Variants in CDH9 observed in about 807,000 individuals in gnomAD.
CDH9 encodes cadherin 9.
In CDH9, 28 loss-of-function variants were observed where a neutral mutation model predicts 70.9. The observed-to-expected ratio is 0.40, with a 90% CI of 0.29 to 0.54. CDH9 has a LOEUF of 0.54. CDH9 is among the 20% of genes least tolerant of loss of function. CDH9 has a pLI of 0.59. For synonymous variants in CDH9, 409 were observed against 343.1 expected (o/e 1.19, Z -2.12); for missense variants, 874 against 984.4 (o/e 0.89, Z 1.50).
Position 26,881,296 on chromosome 5 carries a change from G to A in CDH9, c.2210C>T (p.Thr737Met), listed in dbSNP as rs1346865409. The A allele has an allele frequency of 1.2e-6, 2 of 1,612,804 alleles. No homozygotes were observed. The highest frequency in any genetic ancestry group is 1.7e-6 in the Non-Finnish European group (2 of 1,178,974). The change falls in exon 12 of 12, where the codon ACG becomes ATG. Residue 737 changes from threonine (T) to methionine (M), a missense_variant. Physicochemically the swap from Thr to Met is moderately conservative, Grantham distance 81. Coordinates refer to ENST00000231021, the MANE Select transcript of CDH9 (RefSeq NM_016279.4). The stretch of plus-strand genomic sequence containing the variant: ...GGAATCATTCCCTTCATAGGCATAC[G>A]TTGCCAGCGAATCATATGGAGGTGC... ...PSAPPYDSLA[T>M]YAYEGNDSIA... is the part of the protein sequence containing the mutation.
intron 1 of CDH9, among the ~76,000 whole-genome samples, chr5:27,020,480 G>T (rs984795615): frequency 3.3e-5 from 5 of 151,486 alleles, no homozygotes; most frequent in African/African-American, 1.2e-4. Flanking sequence ...CAAATGTGAT[G>T]ATAATTTGCT....
chr5:27,016,398 A>G (rs976838008), intron 1 of CDH9, among the ~76,000 whole-genome samples: 1 of 151,834 alleles, frequency 6.6e-6, no homozygotes, highest in African/African-American at 2.4e-5. Flanking sequence ...GATTTATAAA[A>G]AAGTTTAATT....
chr5:26,916,001 A>C, intron 2 of CDH9, 77 bp from the exon 3 acceptor site: 1 of 902,212 alleles, frequency 1.1e-6, no homozygotes, highest in South Asian at 1.7e-5. Flanking sequence ...GGCGCTATCA[A>C]TTCGTCTCCA....
intron 2 of CDH9, among the ~76,000 whole-genome samples, chr5:26,981,560 C>G (rs2052860): frequency 0.47 from 72,002 of 151,762 alleles, 17,884 homozygotes; most frequent in African/African-American, 0.52. Context: ...AAAATATCAG[C>G]TAAAATATTT....
chr5:26,988,303 T>C lies in CDH9; in HGVS notation c.31A>G (p.Ile11Val). Reference protein sequence around the residue: MRTYHYIPLFIWTYMFHTVDT... With the variant: MRTYHYIPLFVWTYMFHTVDT... ...ACTGTATGGAACATATAGGTCCAGA[T>C]GAATAATGGTATATAATGGTAAGTC... is the stretch of plus-strand genomic sequence containing the variant. The change falls in exon 2 of 12, where the codon ATC becomes GTC. Residue 11 changes from isoleucine (I) to valine (V), a missense_variant. Physicochemically the swap from Ile to Val is conservative, Grantham distance 29. Transcript: ENST00000231021. 2 of 1,613,250 alleles carry C rather than the reference T, an allele frequency of 1.2e-6. No individual in the cohort carries two copies. Among genetic ancestry groups the C allele is most frequent in the Non-Finnish European group, 8.5e-7 (1 of 1,179,394 alleles).
intron 1 of CDH9, among the ~76,000 whole-genome samples, chr5:26,991,807 T>C (rs1159916594): frequency 1.3e-5 from 2 of 152,214 alleles, no homozygotes; most frequent in East Asian, 3.9e-4. Flanking sequence ...GTGTCATTTA[T>C]ATCAGGAGAA....
chr5:26,953,754 G>A (rs564192048), intron 2 of CDH9, among the ~76,000 whole-genome samples: 1 of 152,078 alleles, frequency 6.6e-6, no homozygotes, highest in African/African-American at 2.4e-5. Flanking sequence ...ACATTTAAGT[G>A]CAAGCCACCA....
chr5:27,035,978 C>T (rs747159397), intron 1 of CDH9, among the ~76,000 whole-genome samples: 2 of 151,772 alleles, frequency 1.3e-5, no homozygotes, highest in Non-Finnish European at 2.9e-5. Context: ...GACACATTCA[C>T]ACATATTTTT....
At chr5:26,902,454 T>A in intron 7 of CDH9, 22 bp downstream of exon 7, 1 of 1,534,620 alleles carries the variant, frequency 6.5e-7, no homozygotes, top group Non-Finnish European at 9.0e-7. Context: ...AAAAACATAA[T>A]AAATGTTTTC....
At chr5:27,030,185 C>T (rs1239327502) in intron 1 of CDH9, among the ~76,000 whole-genome samples, 1 of 151,904 alleles carries the variant, frequency 6.6e-6, no homozygotes, top group Non-Finnish European at 1.5e-5. Context: ...ATCTCTTCTT[C>T]GTGAATTGTG....
intron 2 of CDH9, among the ~76,000 whole-genome samples, chr5:26,964,009 T>A (rs1335637067): frequency 2.6e-5 from 4 of 152,230 alleles, no homozygotes; most frequent in African/African-American, 9.6e-5. Context: ...ATTAACCTTT[T>A]CCATAAAATA....
chr5:26,899,641 C>T (rs1450367431), intron 7 of CDH9, among the ~76,000 whole-genome samples: 2 of 151,580 alleles, frequency 1.3e-5, no homozygotes, highest in African/African-American at 4.8e-5. Flanking sequence ...ACACTGGGGC[C>T]TGTAGAGGGT....
At chr5:26,882,579 A>G (rs1395927936) in intron 11 of CDH9, among the ~76,000 whole-genome samples, 1 of 152,106 alleles carries the variant, frequency 6.6e-6, no homozygotes, top group African/African-American at 2.4e-5. Flanking sequence ...ACGATTTTAA[A>G]AATATAAATT....
intron 1 of CDH9, among the ~76,000 whole-genome samples, chr5:27,008,536 T>C (rs1043656196): frequency 2.6e-5 from 4 of 151,808 alleles, no homozygotes; most frequent in Non-Finnish European, 5.9e-5. Flanking sequence ...AATAAGTACA[T>C]CTATAATATA....
intron 11 of CDH9, among the ~76,000 whole-genome samples, chr5:26,883,538 T>G (rs572986586): frequency 1.3e-5 from 2 of 152,050 alleles, no homozygotes; most frequent in African/African-American, 2.4e-5. Flanking sequence ...ATTATTGGCA[T>G]AAACTATGGT....
rs116263624 is a variant in CDH9, at chr5:26,975,872, A to G, written c.228+12234T>C. ...TATAGATAGAGCTCAAACAGAGAGA[A>G]GCAATATTATTGTGCTGAGGAGACC... On this transcript the variant is annotated intron_variant, in intron 2 of 11. Coordinates refer to ENST00000231021, the MANE Select transcript of CDH9 (RefSeq NM_016279.4). Among the ~76,000 whole-genome samples the G allele has an allele frequency of 3.5e-3, 532 of 152,312 alleles. 5 individuals carry two copies. Among genetic ancestry groups the G allele is most frequent in the African/African-American group, 0.012 (514 of 41,570 alleles).
At chr5:26,881,827 T>G (rs1328486046) in intron 11 of CDH9, among the ~76,000 whole-genome samples, 1 of 152,096 alleles carries the variant, frequency 6.6e-6, no homozygotes, top group East Asian at 1.9e-4. Flanking sequence ...ACCATGCCTT[T>G]AATTTACTGT....
At chr5:26,974,305 G>A (rs1254541631) in intron 2 of CDH9, among the ~76,000 whole-genome samples, 2 of 151,918 alleles carry the variant, frequency 1.3e-5, no homozygotes, top group East Asian at 1.9e-4. Context: ...TAATGAGCTT[G>A]TACTTATGAA....
chr5:26,886,391 T>C (rs188896212), intron 9 of CDH9, among the ~76,000 whole-genome samples: 2 of 152,080 alleles, frequency 1.3e-5, no homozygotes, highest in Admixed American at 1.3e-4. Flanking sequence ...TATCCTCTTT[T>C]GATATTGTTG....
Sources: gnomAD v4.1 joint callset for allele counts (sites outside exome capture counted in the v4.1 genomes callset) on GRCh38, gnomAD v4.1.1 for gene constraint, MANE v1.5 for transcripts, NCBI Gene and HGNC (gene_info 2026-07-23, HGNC 2026-07-21) for gene names.